EYA4: variants seen among roughly 807,000 people sequenced by gnomAD.
EYA4 encodes protein phosphatase EYA4.
EYA4 carries 31 observed loss-of-function variants against 87.9 expected under a neutral mutation model. The observed-to-expected ratio is 0.35, with a 90% CI of 0.27 to 0.48. The LOEUF is 0.48. EYA4 is among the 20% of genes least tolerant of loss of function. The probability of loss-of-function intolerance (pLI) is 0.99; values close to 1 mark genes in which losing one functional copy is unlikely to be tolerated. For synonymous variants in EYA4, 263 were observed against 270.6 expected, an observed-to-expected ratio of 0.97 and a Z score of 0.28; for missense variants, 678 against 761.4, an observed-to-expected ratio of 0.89 and a Z score of 1.29.
chr6:133,417,267 G>A (rs1177320338), intron 3 of EYA4, among the ~76,000 whole-genome samples: 2 of 152,076 alleles, frequency 1.3e-5, no homozygotes, highest in Non-Finnish European at 2.9e-5. Flanking sequence ...TAACTTCTTG[G>A]GTCATTGGGT....
intron 2 of EYA4, among the ~76,000 whole-genome samples, chr6:133,306,458 CT>C (rs1253763970): frequency 6.6e-5 from 10 of 152,144 alleles, no homozygotes; most frequent in African/African-American, 2.4e-4. Flanking sequence ...CTGGCACAGC[CT>C]TAATTTGATC....
chr6:133,466,468 TG>T (rs1425022836), intron 10 of EYA4, among the ~76,000 whole-genome samples: 3 of 152,104 alleles, frequency 2.0e-5, no homozygotes, highest in Non-Finnish European at 2.9e-5. Flanking sequence ...CACACGAAGG[TG>T]GGGCTGGAGT....
chr6:133,505,592 C>T (rs1798528933), intron 13 of EYA4, among the ~76,000 whole-genome samples: 1 of 152,138 alleles, frequency 6.6e-6, no homozygotes, highest in Non-Finnish European at 1.5e-5. Context: ...ATGGTCGCAC[C>T]ATCCTCTGCC....
At chr6:133,524,760 G>C (rs1800482543) in intron 18 of EYA4, among the ~76,000 whole-genome samples, 1 of 152,110 alleles carries the variant, frequency 6.6e-6, no homozygotes, top group South Asian at 2.1e-4. Context: ...ATACTCTGTT[G>C]GTGGAGAAAA....
chr6:133,479,307 A>G (rs900717798), intron 11 of EYA4, among the ~76,000 whole-genome samples: 6 of 152,334 alleles, frequency 3.9e-5, no homozygotes, highest in African/African-American at 7.2e-5. Flanking sequence ...CCCATAACTT[A>G]AAAACCTTAT....
intron 3 of EYA4, among the ~76,000 whole-genome samples, chr6:133,383,486 C>T (rs1786417832): frequency 8.4e-6 from 1 of 119,500 alleles, no homozygotes; most frequent in Non-Finnish European, 1.6e-5. Context: ...CCATTGCACT[C>T]CAGCCTGGGC....
intron 1 of EYA4, among the ~76,000 whole-genome samples, chr6:133,253,779 T>C (rs1041704414): frequency 6.6e-6 from 1 of 152,152 alleles, no homozygotes; most frequent in Non-Finnish European, 1.5e-5. Flanking sequence ...AGCACTTTTT[T>C]TGGACTGTTA....
chr6:133,488,892 G>T (rs576753186), intron 13 of EYA4, among the ~76,000 whole-genome samples: 136 of 152,224 alleles, frequency 8.9e-4, no homozygotes, highest in Admixed American at 8.6e-3. Context: ...AGACTACCCA[G>T]GAAAACATGA....
At chr6:133,303,330 G>A (rs988547955) in intron 2 of EYA4, among the ~76,000 whole-genome samples, 1 of 152,102 alleles carries the variant, frequency 6.6e-6, no homozygotes, top group African/African-American at 2.4e-5. Flanking sequence ...TTGTCATTTG[G>A]ATTTCATGGT....
At chr6:133,284,555 G>T (rs1486262350) in intron 2 of EYA4, among the ~76,000 whole-genome samples, 1 of 152,180 alleles carries the variant, frequency 6.6e-6, no homozygotes, top group Non-Finnish European at 1.5e-5. Flanking sequence ...ATTCAATTAA[G>T]TAAGCATTTC....
intron 2 of EYA4, among the ~76,000 whole-genome samples, chr6:133,315,079 G>T (rs538298330): frequency 2.0e-5 from 3 of 152,134 alleles, no homozygotes; most frequent in South Asian, 2.1e-4. Context: ...AAATTCACCC[G>T]CATGGAACGG....
Position 133,241,563 on chromosome 6 carries a change from T to G in EYA4, c.-252T>G, listed in dbSNP as rs1000433592. On this transcript the variant is annotated 5_prime_UTR_variant, in exon 1 of 20. Transcript: ENST00000355286. ...GAGCCGGCTTCTCCCTCCGCCCCGC[T>G]TCTCCCCCGCTTGTGTACGCTATTT... is the stretch of plus-strand genomic sequence containing the variant. The G allele has an allele frequency of 6.6e-6, 1 of 152,094 alleles. No individual in the cohort carries two copies. Among genetic ancestry groups the G allele is most frequent in the Non-Finnish European group, 1.5e-5 (1 of 68,140 alleles). 9.4% of individuals were successfully genotyped at this position (152,094 alleles called of 1,614,324 possible). A position where few individuals can be genotyped will look rare whatever the true frequency, so the allele number is the denominator to read the frequency against.
intron 3 of EYA4, among the ~76,000 whole-genome samples, chr6:133,428,466 C>T (rs145067398): frequency 6.6e-6 from 1 of 152,274 alleles, no homozygotes; most frequent in East Asian, 1.9e-4. Context: ...GTTTCAACTA[C>T]AAGTAATAGA....
At chr6:133,392,231 C>G (rs1189226078) in intron 3 of EYA4, among the ~76,000 whole-genome samples, 2 of 152,088 alleles carry the variant, frequency 1.3e-5, no homozygotes, top group African/African-American at 4.8e-5. Context: ...AATTCAAATG[C>G]AAATTGCTTT....
At chr6:133,410,602 A>G (rs3822933) in intron 3 of EYA4, among the ~76,000 whole-genome samples, 5,725 of 85,380 alleles carry the variant, frequency 0.067, 323 homozygotes, top group African/African-American at 0.13. Context: ...AAAAAAAAAA[A>G]CTTCTGTATT....
chr6:133,240,928 C>T (rs967421098), upstream of EYA4: 1 of 152,376 alleles, frequency 6.6e-6, no homozygotes, highest in Admixed American at 6.5e-5. Flanking sequence ...CGGGGGCTGC[C>T]CCACAGAAGC....
At chr6:133,390,123 G>A (rs1376176702) in intron 3 of EYA4, among the ~76,000 whole-genome samples, 1 of 152,212 alleles carries the variant, frequency 6.6e-6, no homozygotes, top group East Asian at 1.9e-4. Flanking sequence ...TGTGCAGGAA[G>A]TAAAAATGTG....
chr6:133,400,004 C>T (rs1030327248), intron 3 of EYA4, among the ~76,000 whole-genome samples: 4 of 152,148 alleles, frequency 2.6e-5, no homozygotes, highest in African/African-American at 9.7e-5. Flanking sequence ...TATAGGGTTC[C>T]TTGCATTATT....
At chr6:133,505,364 A>G (rs1798507464) in intron 13 of EYA4, among the ~76,000 whole-genome samples, 2 of 152,134 alleles carry the variant, frequency 1.3e-5, no homozygotes. Context: ...GTTTCTGTAA[A>G]CAAAAATTGA....
Sources: allele counts gnomAD v4.1 joint callset (sites outside exome capture counted in the v4.1 genomes callset), GRCh38; gene constraint gnomAD v4.1.1; transcripts MANE v1.5; gene names NCBI Gene and HGNC (gene_info 2026-07-23, HGNC 2026-07-21).